CAMK1D: variants seen among roughly 807,000 people sequenced by gnomAD.
The protein encoded by CAMK1D is calcium/calmodulin dependent protein kinase ID.
Under a neutral mutation model 47.7 loss-of-function variants are expected in CAMK1D, and 9 were observed. The ratio of observed to expected loss-of-function variants is 0.19; its 90% CI spans 0.11 to 0.33. The LOEUF (loss-of-function observed/expected upper bound fraction) is 0.33, where lower values mean the gene tolerates loss of function less well. Ranked by LOEUF, CAMK1D falls within the 10% of genes least tolerant of loss-of-function variation. The pLI, the probability that CAMK1D is intolerant of heterozygous loss-of-function variation, is 1.00. For missense variants in CAMK1D, 291 were observed against 488.7 expected (o/e 0.60, Z 3.81); for synonymous variants, 184 against 184.9 (o/e 0.99, Z 0.04).
At chr10:12,826,381 A>AT (rs1460439411) in intron 10 of CAMK1D, among the ~76,000 whole-genome samples, 1 of 152,198 alleles carries the variant, frequency 6.6e-6, no homozygotes, top group African/African-American at 2.4e-5. Context: ...TAATGTATAT[A>AT]TTTTGGATGC....
Position 12,553,461 on chromosome 10 carries a change from C to G in CAMK1D, c.224+105C>G, listed in dbSNP as rs544885345. On this transcript the variant is annotated intron_variant, in intron 2 of 10. Transcript: ENST00000619168. Reference sequence around the variant, plus strand: ...ACTTTCCCCGGGGGCAGAGGGGCCCCCAGAGGACCCAGGCTGTGCAAACGA... The same window carrying G: ...ACTTTCCCCGGGGGCAGAGGGGCCCGCAGAGGACCCAGGCTGTGCAAACGA... 9.4e-6 allele frequency: 8 copies of G among 852,512 alleles called. No individual in the cohort carries two copies. The East Asian group carries it at 2.0e-4, about 21-fold the overall frequency. 52.8% of individuals were successfully genotyped at this position (852,512 alleles called of 1,614,324 possible).
At chr10:12,751,108 TAAGATAAG>T in intron 3 of CAMK1D, among the ~76,000 whole-genome samples, 1 of 80,768 alleles carries the variant, frequency 1.2e-5, no homozygotes, top group African/African-American at 5.4e-5. Flanking sequence ...TAAGATAAGA[TAAGATAAG>T]ATAAGATAAG....
At chr10:12,489,704 C>T (rs1834323164) in intron 1 of CAMK1D, among the ~76,000 whole-genome samples, 1 of 152,166 alleles carries the variant, frequency 6.6e-6, no homozygotes, top group Admixed American at 6.5e-5. Context: ...CCACCTTTGC[C>T]TTCGTGGTAG....
chr10:12,509,858 A>G (rs1431389655), intron 1 of CAMK1D, among the ~76,000 whole-genome samples: 2 of 152,232 alleles, frequency 1.3e-5, no homozygotes, highest in African/African-American at 2.4e-5. Context: ...CCAGGACATC[A>G]TTGGTGATTG....
At chr10:12,552,073 G>A (rs1836601681) in intron 1 of CAMK1D, among the ~76,000 whole-genome samples, 1 of 152,190 alleles carries the variant, frequency 6.6e-6, no homozygotes, top group South Asian at 2.1e-4. Context: ...GATGGAGGAG[G>A]CTGTTCCATG....
At chr10:12,352,217 A>C (rs1837373936) in intron 1 of CAMK1D, among the ~76,000 whole-genome samples, 1 of 152,254 alleles carries the variant, frequency 6.6e-6, no homozygotes, top group Non-Finnish European at 1.5e-5. Context: ...TTGTCCATAC[A>C]GGGTTGACAC....
chr10:12,473,017 A>G (rs762685662), intron 1 of CAMK1D, among the ~76,000 whole-genome samples: 1 of 152,150 alleles, frequency 6.6e-6, no homozygotes, highest in Non-Finnish European at 1.5e-5. Context: ...GAGGAAAGTG[A>G]GCGTATGCCT....
intron 3 of CAMK1D, among the ~76,000 whole-genome samples, chr10:12,752,404 A>G: frequency 6.6e-6 from 1 of 152,210 alleles, no homozygotes; most frequent in Non-Finnish European, 1.5e-5. Context: ...TAATGTGTAC[A>G]TATGGACCTA....
At chr10:12,623,153 C>A (rs1188964325) in intron 2 of CAMK1D, among the ~76,000 whole-genome samples, 1 of 12,594 alleles carries the variant, frequency 7.9e-5, no homozygotes, top group East Asian at 3.0e-3. Flanking sequence ...CCCTTCCTTC[C>A]TCCCTCCTTT....
At position 12,504,709 on chromosome 10, in the gene CAMK1D, C is replaced by T. The variant is rs1343139075; in HGVS notation, c.93-48516C>T. Among the ~76,000 whole-genome samples, 5 of 152,334 alleles carry T rather than the reference C, an allele frequency of 3.3e-5. No individual in the cohort carries two copies. The East Asian group carries it at 7.7e-4, about 24-fold the overall frequency. Reference sequence around the variant, plus strand: ...GGCTGAATTTGAGATTCCCTGGGAACGTGTCCTGTCAAGACCCTCTTTGTA... The same window carrying T: ...GGCTGAATTTGAGATTCCCTGGGAATGTGTCCTGTCAAGACCCTCTTTGTA... On this transcript the variant is annotated intron_variant, in intron 1 of 10. Transcript: ENST00000619168.
intron 1 of CAMK1D, among the ~76,000 whole-genome samples, chr10:12,536,175 C>T (rs931715689): frequency 1.3e-5 from 2 of 151,894 alleles, no homozygotes; most frequent in African/African-American, 2.4e-5. Context: ...TACCATGTAC[C>T]CACCACCCAG....
chr10:12,794,371 G>T (rs1564567046), intron 6 of CAMK1D, among the ~76,000 whole-genome samples: 2 of 152,098 alleles, frequency 1.3e-5, no homozygotes, highest in African/African-American at 2.4e-5. Context: ...TCAATAATTT[G>T]GTTTTGGATA....
chr10:12,564,740 G>C (rs1195990966), intron 2 of CAMK1D, among the ~76,000 whole-genome samples: 2 of 152,122 alleles, frequency 1.3e-5, no homozygotes, highest in African/African-American at 4.8e-5. Context: ...TAAGTAGGAG[G>C]TATCACTTGG....
At chr10:12,455,191 A>T (rs912172927) in intron 1 of CAMK1D, among the ~76,000 whole-genome samples, 1 of 152,126 alleles carries the variant, frequency 6.6e-6, no homozygotes, top group African/African-American at 2.4e-5. Context: ...TCGCATAAGG[A>T]TAGAGGGTCT....
chr10:12,734,368 A>C (rs1490793501), intron 3 of CAMK1D, among the ~76,000 whole-genome samples: 223 of 21,244 alleles, frequency 0.01, 18 homozygotes, highest in African/African-American at 0.036. Flanking sequence ...ATATATATAT[A>C]TATATATATA....
intron 2 of CAMK1D, among the ~76,000 whole-genome samples, chr10:12,626,535 A>G (rs542119659): frequency 6.8e-6 from 1 of 147,398 alleles, no homozygotes; most frequent in Non-Finnish European, 1.5e-5. Context: ...GTGCAGTGGC[A>G]TGATCTTGGC....
intron 1 of CAMK1D, among the ~76,000 whole-genome samples, chr10:12,486,078 T>C (rs1834204092): frequency 6.6e-6 from 1 of 152,116 alleles, no homozygotes; most frequent in African/African-American, 2.4e-5. Flanking sequence ...TCTTATAATT[T>C]TGTACAATAA....
intron 2 of CAMK1D, among the ~76,000 whole-genome samples, chr10:12,609,137 C>G (rs185198918): frequency 6.6e-6 from 1 of 152,338 alleles, no homozygotes; most frequent in African/African-American, 2.4e-5. Context: ...GGGCATTACC[C>G]AGACCGTGTG....
At position 12,384,679 on chromosome 10, in the gene CAMK1D, A is replaced by G. The variant is rs1253152233; in HGVS notation, c.92+34769A>G. ...ACCATTGTCTCACACTGTATGTAAA[A>G]ATTAACTCAAAATGGATCAGTGACC... On this transcript the variant is annotated intron_variant, in intron 1 of 10. Coordinates refer to ENST00000619168, the MANE Select transcript of CAMK1D (RefSeq NM_153498.4). Among the ~76,000 whole-genome samples, 4 of 152,336 alleles carry G rather than the reference A, an allele frequency of 2.6e-5. No homozygotes were observed. In the East Asian group the frequency reaches 5.8e-4, roughly 22 times the overall value.
Sources: allele counts gnomAD v4.1 joint callset (sites outside exome capture counted in the v4.1 genomes callset), GRCh38; gene constraint gnomAD v4.1.1; transcripts MANE v1.5; gene names NCBI Gene and HGNC (gene_info 2026-07-23, HGNC 2026-07-21).